CUX2: variants seen among roughly 807,000 people sequenced by gnomAD.
CUX2 encodes the protein homeobox protein cut-like 2.
A neutral mutation model predicts 144.8 loss-of-function variants in CUX2; 40 were observed. The ratio of observed to expected loss-of-function variants is 0.28; its 90% CI spans 0.21 to 0.36. The LOEUF (loss-of-function observed/expected upper bound fraction) is 0.36, where lower values mean the gene tolerates loss of function less well. Among genes scored for constraint, CUX2 ranks in the 10% least tolerant of loss-of-function variants. The pLI, the probability that CUX2 is intolerant of heterozygous loss-of-function variation, is 1.00. For missense variants in CUX2, 1,615 were observed against 1,994.0 expected (o/e 0.81, Z 3.62); for synonymous variants, 827 against 875.6 (o/e 0.94, Z 0.98).
chr12:111,101,574 A>G (rs1873240856), intron 1 of CUX2, among the ~76,000 whole-genome samples: 2 of 152,202 alleles, frequency 1.3e-5, no homozygotes, highest in African/African-American at 4.8e-5. Context: ...GGGGAGTCAC[A>G]TCTTACAAAA....
At chr12:111,222,331 G>C (rs1363167518) in intron 3 of CUX2, among the ~76,000 whole-genome samples, 1 of 152,178 alleles carries the variant, frequency 6.6e-6, no homozygotes, top group East Asian at 1.9e-4. Context: ...TAAAAGTTTT[G>C]TTATGCTAAC....
chr12:111,084,798 C>T (rs1002023080), intron 1 of CUX2, among the ~76,000 whole-genome samples: 7 of 151,484 alleles, frequency 4.6e-5, no homozygotes, highest in South Asian at 2.1e-4. Flanking sequence ...ACGTGGCGGG[C>T]GGGCTGGTAG....
intron 1 of CUX2, among the ~76,000 whole-genome samples, chr12:111,202,714 A>T (rs571415649): frequency 6.6e-6 from 1 of 152,282 alleles, no homozygotes; most frequent in East Asian, 1.9e-4. Flanking sequence ...AGCAGGCAAT[A>T]AACAAATGGA....
At chr12:111,336,887 A>G (rs1888377479) in intron 19 of CUX2, among the ~76,000 whole-genome samples, 1 of 152,022 alleles carries the variant, frequency 6.6e-6, no homozygotes, top group South Asian at 2.1e-4. Context: ...TGAAAAATGA[A>G]CACTAGGCTG....
At chr12:111,335,464 A>C (rs767818030) in intron 19 of CUX2, among the ~76,000 whole-genome samples, 6 of 151,912 alleles carry the variant, frequency 3.9e-5, no homozygotes, top group Non-Finnish European at 8.8e-5. Flanking sequence ...TAACCTCAGC[A>C]CTTTGGGAGG....
chr12:111,330,215 G>A (rs1027488038), intron 18 of CUX2, among the ~76,000 whole-genome samples: 1 of 152,130 alleles, frequency 6.6e-6, no homozygotes, highest in Non-Finnish European at 1.5e-5. Context: ...CGAACTCGGG[G>A]GCTTCACCTT....
rs1282079184 is a variant in CUX2 at position 111,344,739 on chromosome 12, C to T, written c.3659+2686C>T. ...CCAGGCCCAGGATCCTGGGATGGGG[C>T]CCCACAGGACCTGAGCAGGGAGGCA... is the stretch of plus-strand genomic sequence containing the variant. On this transcript the variant is annotated intron_variant, in intron 21 of 21. Transcript: ENST00000261726. Among the ~76,000 whole-genome samples the T allele has an allele frequency of 2.0e-5, 3 of 152,064 alleles. No homozygotes were observed. The East Asian group carries it at 5.8e-4, about 29-fold the overall frequency.
rs1386686359 is a variant in CUX2 at position 111,068,622 on chromosome 12, GGCAGGGCCCT to G, written c.63+34387_63+34396del. 6.6e-6 allele frequency among the ~76,000 whole-genome samples: 1 copy of G among 152,202 alleles called. No individual in the cohort carries two copies. The highest frequency in any genetic ancestry group is 1.5e-5 in the Non-Finnish European group (1 of 68,030). ...AGCTGGTGTTTTCTCCTGTGTTCCCGGCAGGGCCCTGCAGCAGTGCCTTTGTAGCTCACCT... is the reference window on the plus strand; with the variant it reads ...AGCTGGTGTTTTCTCCTGTGTTCCCGGCAGCAGTGCCTTTGTAGCTCACCT... On this transcript the variant is annotated intron_variant, in intron 1 of 21. Transcript: ENST00000261726. The surrounding 1 kb of genome is among the most constrained non-coding windows in gnomAD (Gnocchi z 4.9).
chr12:111,121,172 C>T (rs1874638424), intron 1 of CUX2, among the ~76,000 whole-genome samples: 1 of 149,610 alleles, frequency 6.7e-6, no homozygotes, highest in African/African-American at 2.4e-5. Flanking sequence ...TCATTCTTTA[C>T]TATATTGATT....
intron 1 of CUX2, among the ~76,000 whole-genome samples, chr12:111,129,130 C>T (rs1034652943): frequency 2.0e-5 from 3 of 152,260 alleles, no homozygotes; most frequent in Non-Finnish European, 4.4e-5. Context: ...CTAGATATTT[C>T]ACTGAGGTGG....
At chr12:111,324,543 C>T (rs959506342) in intron 18 of CUX2, among the ~76,000 whole-genome samples, 1 of 151,716 alleles carries the variant, frequency 6.6e-6, no homozygotes, top group African/African-American at 2.4e-5. Context: ...CTCTGTTGCC[C>T]AGGCTGGAGT....
chr12:111,339,938 G>A (rs572949854), intron 20 of CUX2, among the ~76,000 whole-genome samples: 53 of 152,368 alleles, frequency 3.5e-4, no homozygotes, highest in African/African-American at 1.3e-3. Context: ...GCTCACACCT[G>A]TAATCCTAGC....
chr12:111,188,002 C>T (rs1879653555), intron 1 of CUX2, among the ~76,000 whole-genome samples: 1 of 152,248 alleles, frequency 6.6e-6, no homozygotes, highest in African/African-American at 2.4e-5. Context: ...TTTCTTACGT[C>T]CCTCAAGGAC....
chr12:111,338,586 A>G (rs970784096), intron 20 of CUX2, 112 bp downstream of exon 20: 16 of 961,110 alleles, frequency 1.7e-5, no homozygotes, highest in Non-Finnish European at 2.3e-5. Flanking sequence ...GTCTCAGCCT[A>G]CTATGGGACT....
chr12:111,140,806 G>A (rs1876267486), intron 1 of CUX2, among the ~76,000 whole-genome samples: 2 of 152,210 alleles, frequency 1.3e-5, no homozygotes, highest in South Asian at 4.1e-4. Flanking sequence ...ACCTCTCTGA[G>A]CTTCAGTTTT....
Position 111,165,933 on chromosome 12 carries a change from GATTAT to G in CUX2, c.64-48262_64-48258del, listed in dbSNP as rs138571871. Among the ~76,000 whole-genome samples the G allele has an allele frequency of 7.1e-3, 1,083 of 152,280 alleles. 17 individuals are homozygous for G. Among genetic ancestry groups the G allele is most frequent in the African/African-American group, 0.025 (1,029 of 41,558 alleles). Reference sequence around the variant, plus strand: ...TTTGGTGGTGGTGATTACTAATTACGATTATATTAAGCATGTTACTCTAATATTAC... The same window carrying G: ...TTTGGTGGTGGTGATTACTAATTACGATTAAGCATGTTACTCTAATATTAC... On this transcript the variant is annotated intron_variant, in intron 1 of 21. Coordinates refer to ENST00000261726, the MANE Select transcript of CUX2 (RefSeq NM_015267.4).
rs1016377321 is a variant in CUX2, at chr12:111,115,384, C to G, written c.63+81144C>G. Among the ~76,000 whole-genome samples the G allele has an allele frequency of 8.4e-5, 12 of 143,142 alleles. No individual in the cohort carries two copies. The East Asian group carries it at 2.5e-3, about 30-fold the overall frequency. 93.9% of individuals were successfully genotyped at this position (143,142 alleles called of 152,430 possible). On this transcript the variant is annotated intron_variant, in intron 1 of 21. Coordinates refer to ENST00000261726, the MANE Select transcript of CUX2 (RefSeq NM_015267.4). Reference sequence around the variant, plus strand: ...CACTGCAAGCTCCACCTCCCAGGTTCACGCCATTCTCCTTCCTCAGGCTCC... The same window carrying G: ...CACTGCAAGCTCCACCTCCCAGGTTGACGCCATTCTCCTTCCTCAGGCTCC...
intron 1 of CUX2, among the ~76,000 whole-genome samples, chr12:111,089,874 C>T (rs1000377938): frequency 1.3e-5 from 2 of 152,222 alleles, no homozygotes; most frequent in African/African-American, 4.8e-5. Context: ...CATCACAAAG[C>T]AGGCTGGTGG....
At chr12:111,189,104 AC>A in intron 1 of CUX2, among the ~76,000 whole-genome samples, 1 of 151,950 alleles carries the variant, frequency 6.6e-6, no homozygotes, top group East Asian at 1.9e-4. Flanking sequence ...AAGTGGGGAA[AC>A]CCCGACTCTA....
Sources: gnomAD v4.1 joint callset for allele counts (sites outside exome capture counted in the v4.1 genomes callset) on GRCh38, gnomAD v4.1.1 for gene constraint, Gnocchi (gnomAD v3.1) non-coding constraint, MANE v1.5 for transcripts, NCBI Gene and HGNC (gene_info 2026-07-23, HGNC 2026-07-21) for gene names.